NEK11: variants seen among roughly 807,000 people sequenced by gnomAD.
The protein encoded by NEK11 is NIMA related kinase 11, also known as serine/threonine-protein kinase Nek11.
In NEK11, 72 loss-of-function variants were observed where a neutral mutation model predicts 80.7. The observed-to-expected ratio is 0.89, with a 90% CI of 0.74 to 1.08. The LOEUF is 1.08. Ranked by LOEUF, NEK11 falls within the 50% of genes least tolerant of loss-of-function variation. NEK11 has a pLI of 0.00. For synonymous variants in NEK11, 251 were observed against 260.7 expected, an observed-to-expected ratio of 0.96 and a Z score of 0.36; for missense variants, 764 against 763.6, an observed-to-expected ratio of 1.00 and a Z score of -0.01.
chr3:131,210,054 TA>T (rs1294044476), intron 14 of NEK11, among the ~76,000 whole-genome samples: 2 of 152,192 alleles, frequency 1.3e-5, no homozygotes, highest in Non-Finnish European at 2.9e-5. Flanking sequence ...CTTGTTTCTC[TA>T]GTTCTTTTAA....
intron 5 of NEK11, among the ~76,000 whole-genome samples, chr3:131,124,172 G>A (rs1335984762): frequency 6.6e-6 from 1 of 152,124 alleles, no homozygotes; most frequent in Non-Finnish European, 1.5e-5. Context: ...TCTTTTATAA[G>A]AGTAGGGAAG....
chr3:131,132,710 T>C, intron 5 of NEK11, 35 bp from the exon 6 acceptor site: 1 of 1,125,592 alleles, frequency 8.9e-7, no homozygotes, highest in South Asian at 1.4e-5. Flanking sequence ...TGTTATATTC[T>C]GCATGAAGTT....
chr3:131,255,444 C>T (rs1561224544), intron 16 of NEK11, among the ~76,000 whole-genome samples: 1 of 152,164 alleles, frequency 6.6e-6, no homozygotes, highest in Non-Finnish European at 1.5e-5. Flanking sequence ...AAAAATAAAA[C>T]AGTGGTATCC....
chr3:131,153,856 G>A (rs1350731716), intron 9 of NEK11, among the ~76,000 whole-genome samples: 1 of 152,186 alleles, frequency 6.6e-6, no homozygotes, highest in African/African-American at 2.4e-5. Flanking sequence ...TGGGAAGAAA[G>A]TATAATAAAC....
At chr3:131,345,396 A>C (rs746338415) in intron 17 of NEK11, among the ~76,000 whole-genome samples, 7 of 152,242 alleles carry the variant, frequency 4.6e-5, no homozygotes, top group Non-Finnish European at 8.8e-5. Context: ...CTGAACAGAT[A>C]TCTCTCCAAA....
At chr3:131,116,130 C>A (rs1261435289) in intron 5 of NEK11, among the ~76,000 whole-genome samples, 4 of 152,002 alleles carry the variant, frequency 2.6e-5, no homozygotes, top group Non-Finnish European at 5.9e-5. Context: ...TCGCCTTCCC[C>A]CCACCCCATG....
intron 3 of NEK11, among the ~76,000 whole-genome samples, chr3:131,054,155 A>G (rs569357730): frequency 2.2e-4 from 34 of 152,290 alleles, no homozygotes; most frequent in African/African-American, 7.9e-4. Context: ...GTTTGAGACC[A>G]GCCTGGGCAA....
Position 131,316,363 on chromosome 3 carries a change from G to T in NEK11, c.1719-33194G>T, listed in dbSNP as rs148628959. On this transcript the variant is annotated intron_variant, in intron 17 of 17. Coordinates refer to ENST00000383366, the MANE Select transcript of NEK11 (RefSeq NM_024800.5). ...CTCATAAAGCTAACCCTGCATGCCT[G>T]TTCCCCTCCCCAGCTTTAGAGAAAC... is the stretch of plus-strand genomic sequence containing the variant. Among the ~76,000 whole-genome samples, 611 of 152,238 alleles carry T rather than the reference G, an allele frequency of 4.0e-3. 13 individuals are homozygous for T. Among genetic ancestry groups the T allele is most frequent in the Admixed American group, 0.035 (536 of 15,298 alleles).
At chr3:131,264,278 G>A (rs912548579) in intron 16 of NEK11, among the ~76,000 whole-genome samples, 2 of 152,186 alleles carry the variant, frequency 1.3e-5, no homozygotes, top group African/African-American at 4.8e-5. Context: ...TAGTCATGAA[G>A]TCCTTGCCCA....
intron 17 of NEK11, among the ~76,000 whole-genome samples, chr3:131,311,207 G>C (rs2096779298): frequency 6.6e-6 from 1 of 152,034 alleles, no homozygotes; most frequent in Non-Finnish European, 1.5e-5. Flanking sequence ...AATAAGTCAG[G>C]GTATTTAGGA....
At chr3:131,178,850 T>C (rs2093191634) in intron 14 of NEK11, among the ~76,000 whole-genome samples, 1 of 152,214 alleles carries the variant, frequency 6.6e-6, no homozygotes, top group African/African-American at 2.4e-5. Flanking sequence ...AATAGGAATT[T>C]TTTAGTTTAA....
At chr3:131,319,807 T>C (rs1189046323) in intron 17 of NEK11, among the ~76,000 whole-genome samples, 1 of 152,150 alleles carries the variant, frequency 6.6e-6, no homozygotes, top group Non-Finnish European at 1.5e-5. Flanking sequence ...CACTATTCTT[T>C]ATGGTGGCTT....
At chr3:131,277,801 G>A (rs549230153) in intron 17 of NEK11, among the ~76,000 whole-genome samples, 1 of 152,308 alleles carries the variant, frequency 6.6e-6, no homozygotes, top group African/African-American at 2.4e-5. Flanking sequence ...CAAACTCTTT[G>A]GGCCTCAGAT....
At chr3:131,058,723 G>A (rs1045709282) in intron 3 of NEK11, among the ~76,000 whole-genome samples, 2 of 152,124 alleles carry the variant, frequency 1.3e-5, no homozygotes, top group South Asian at 2.1e-4. Context: ...TCATAATACA[G>A]TATAGACAAG....
In NEK11 at chr3:131,074,542, T is replaced by G. The variant is rs570721535; in HGVS notation, c.171-5881T>G. 2.6e-5 allele frequency among the ~76,000 whole-genome samples: 4 copies of G among 152,286 alleles called. No homozygotes were observed. The South Asian group carries it at 8.3e-4, about 32-fold the overall frequency. The stretch of plus-strand genomic sequence containing the variant: ...ATATTGTAATATATAATATAATGTA[T>G]AAAGTCATTTTTTAAAAGAGTCATA... On this transcript the variant is annotated intron_variant, in intron 3 of 17. Transcript: ENST00000383366.
intron 2 of NEK11, among the ~76,000 whole-genome samples, chr3:131,028,320 A>G (rs1421060942): frequency 1.3e-5 from 2 of 152,198 alleles, no homozygotes; most frequent in African/African-American, 4.8e-5. Flanking sequence ...ACCACCACGT[A>G]AAGCCCATTG....
chr3:131,277,209 G>C (rs2108759038), intron 17 of NEK11, among the ~76,000 whole-genome samples: 1 of 152,308 alleles, frequency 6.6e-6, no homozygotes, highest in East Asian at 1.9e-4. Context: ...CAGTTTAACA[G>C]TTATCACCCA....
intron 7 of NEK11, among the ~76,000 whole-genome samples, chr3:131,137,309 A>G (rs2149643920): frequency 6.6e-6 from 1 of 152,296 alleles, no homozygotes. Context: ...AAGTATCCTC[A>G]TGGAAGAACA....
Position 131,181,483 on chromosome 3 carries a change from A to C in NEK11, c.1399+10596A>C, listed in dbSNP as rs1386631575. ...TTGTGTTGGCTGGGCGCAATGGCTCACGCCTGTAATCCCAGCACTTTGGGA... is the reference window on the plus strand; with the variant it reads ...TTGTGTTGGCTGGGCGCAATGGCTCCCGCCTGTAATCCCAGCACTTTGGGA... On this transcript the variant is annotated intron_variant, in intron 14 of 17. Transcript: ENST00000383366. 2.0e-5 allele frequency among the ~76,000 whole-genome samples: 3 copies of C among 152,192 alleles called. No individual in the cohort carries two copies. In the South Asian group the frequency reaches 6.2e-4, roughly 31 times the overall value.
Sources: gnomAD v4.1 joint callset for allele counts (sites outside exome capture counted in the v4.1 genomes callset) on GRCh38, gnomAD v4.1.1 for gene constraint, MANE v1.5 for transcripts, NCBI Gene and HGNC (gene_info 2026-07-23, HGNC 2026-07-21) for gene names.